GDPD4: variants seen among roughly 807,000 people sequenced by gnomAD.
GDPD4 encodes the protein glycerophosphodiester phosphodiesterase domain containing 4.
A neutral mutation model predicts 67.8 loss-of-function variants in GDPD4; 60 were observed. That is an observed-to-expected ratio of 0.88 (90% CI 0.72 to 1.10). The LOEUF (loss-of-function observed/expected upper bound fraction) is 1.10. Among genes scored for constraint, GDPD4 ranks in the 50% least tolerant of loss-of-function variants. The pLI is 0.00. For missense variants in GDPD4, 623 were observed against 613.9 expected, an observed-to-expected ratio of 1.01 and a Z score of -0.16; for synonymous variants, 212 against 210.9, an observed-to-expected ratio of 1.00 and a Z score of -0.04.
chr11:77,241,388 C>G (rs1408163677), intron 13 of GDPD4, among the ~76,000 whole-genome samples: 1 of 152,060 alleles, frequency 6.6e-6, no homozygotes, highest in Non-Finnish European at 1.5e-5. Flanking sequence ...GTCAAACTTA[C>G]AGTGGGGTAC....
chr11:77,230,858 CA>C (rs1464484391), intron 14 of GDPD4, among the ~76,000 whole-genome samples: 4 of 152,138 alleles, frequency 2.6e-5, no homozygotes, highest in African/African-American at 4.8e-5. Flanking sequence ...TTTCCTTGGC[CA>C]ATGGAACATC....
intron 11 of GDPD4, among the ~76,000 whole-genome samples, chr11:77,249,514 A>G (rs185780001): frequency 1.4e-4 from 21 of 152,338 alleles, no homozygotes; most frequent in African/African-American, 5.1e-4. Flanking sequence ...AACAGAATGA[A>G]AAATCAACAA....
chr11:77,235,009 G>GTTCTTTTTTTTTTTTTTTTT (rs1958524762), intron 13 of GDPD4, among the ~76,000 whole-genome samples: 1 of 52,254 alleles, frequency 1.9e-5, no homozygotes, highest in Non-Finnish European at 3.7e-5. Context: ...GTCAATATCT[G>GTTCTTTTTTTTTTTTTTTTT]TTTTTTTTTT....
At chr11:77,234,807 T>C (rs57879222) in intron 13 of GDPD4, among the ~76,000 whole-genome samples, 2,351 of 152,280 alleles carry the variant, frequency 0.015, 59 homozygotes, top group African/African-American at 0.055. Context: ...GCAATAAACA[T>C]ACAAGTGCAG....
chr11:77,227,784 G>C lies in GDPD4; in HGVS notation c.1525+80C>G, dbSNP rs1958371756. The C allele has an allele frequency of 2.9e-6, 3 of 1,023,188 alleles. No homozygotes were observed. In the East Asian group the frequency reaches 7.1e-5, roughly 24 times the overall value. 63.4% of individuals were successfully genotyped at this position (1,023,188 alleles called of 1,614,324 possible). On this transcript the variant is annotated intron_variant, in intron 16 of 16. Coordinates refer to ENST00000315938, the MANE Select transcript of GDPD4 (RefSeq NM_182833.3). ...CCAGACACCCTCAGCTCTTGTCAGG[G>C]ACATGAAAAGCTGCCTCTGTCTCCT...
chr11:77,289,352 T>C (rs1278960845), intron 1 of GDPD4, among the ~76,000 whole-genome samples: 3 of 109,642 alleles, frequency 2.7e-5, no homozygotes, highest in Non-Finnish European at 3.9e-5. Context: ...GACAGAGCAA[T>C]ACTCCATCTC....
chr11:77,262,466 G>A lies in GDPD4; in HGVS notation c.708-3924C>T, dbSNP rs185644509. 1.2e-3 allele frequency among the ~76,000 whole-genome samples: 178 copies of A among 152,254 alleles called. 2 individuals carry two copies. The highest frequency in any genetic ancestry group is 6.8e-3 in the Middle Eastern group (2 of 294). ...TTAAGTATTAATCAGGCTTCATTTT[G>A]AACCACTTCCTTGTAATGGAAAATC... On this transcript the variant is annotated intron_variant, in intron 10 of 16. Coordinates refer to ENST00000315938, the MANE Select transcript of GDPD4 (RefSeq NM_182833.3).
intron 16 of GDPD4, among the ~76,000 whole-genome samples, chr11:77,219,634 A>C (rs1329869330): frequency 1.3e-5 from 2 of 152,202 alleles, no homozygotes; most frequent in African/African-American, 4.8e-5. Context: ...TTAAATAGGG[A>C]ATCCTTTCCC....
At chr11:77,257,689 C>A (rs1377994808) in intron 11 of GDPD4, among the ~76,000 whole-genome samples, 1 of 152,012 alleles carries the variant, frequency 6.6e-6, no homozygotes, top group Admixed American at 6.6e-5. Flanking sequence ...GGTAGCTGTG[C>A]ATAAAGTATT....
At chr11:77,266,277 T>C (rs1289394978) in intron 10 of GDPD4, among the ~76,000 whole-genome samples, 1 of 152,138 alleles carries the variant, frequency 6.6e-6, no homozygotes, top group African/African-American at 2.4e-5. Flanking sequence ...CCCCATAAGA[T>C]TATAATGGAG....
chr11:77,268,356 C>T (rs1162451647), intron 10 of GDPD4, 101 bp downstream of exon 10: 9 of 776,924 alleles, frequency 1.2e-5, no homozygotes, highest in South Asian at 4.6e-5. Context: ...GGAACAACTC[C>T]CCAGGGCTTG....
intron 11 of GDPD4, among the ~76,000 whole-genome samples, chr11:77,255,364 C>T (rs1309814363): frequency 6.6e-6 from 1 of 151,956 alleles, no homozygotes; most frequent in Non-Finnish European, 1.5e-5. Flanking sequence ...GTTAGGAGTT[C>T]GAGGCCAGCC....
chr11:77,285,607 T>C lies in GDPD4; in HGVS notation c.-50-420A>G, dbSNP rs17135482. On this transcript the variant is annotated intron_variant, in intron 2 of 16. Transcript: ENST00000315938. The stretch of plus-strand genomic sequence containing the variant: ...TTCATTTAGTCATCAATCTACCCCA[T>C]TGGAGAAGAAAGGGGGAATCAGAGT... Among the ~76,000 whole-genome samples the C allele has an allele frequency of 4.3e-3, 659 of 152,314 alleles. 11 individuals carry two copies. Among genetic ancestry groups the C allele is most frequent in the African/African-American group, 0.015 (635 of 41,566 alleles).
chr11:77,227,051 G>C (rs560460312), intron 16 of GDPD4, among the ~76,000 whole-genome samples: 46 of 152,176 alleles, frequency 3.0e-4, no homozygotes, highest in Non-Finnish European at 4.0e-4. Context: ...CAGGAGTTGC[G>C]GAAGGAAATT....
chr11:77,297,705 T>C (rs1022736437), intron 1 of GDPD4, among the ~76,000 whole-genome samples: 1 of 152,186 alleles, frequency 6.6e-6, no homozygotes, highest in Non-Finnish European at 1.5e-5. Context: ...ATATAGTTTG[T>C]GGGGATTATT....
At chr11:77,254,622 A>G (rs1958969452) in intron 11 of GDPD4, among the ~76,000 whole-genome samples, 1 of 152,174 alleles carries the variant, frequency 6.6e-6, no homozygotes, top group African/African-American at 2.4e-5. Context: ...ATGTATCTGC[A>G]TGAAAATTAT....
intron 10 of GDPD4, among the ~76,000 whole-genome samples, chr11:77,261,708 G>A (rs1959121737): frequency 6.6e-6 from 1 of 152,186 alleles, no homozygotes; most frequent in Admixed American, 6.5e-5. Flanking sequence ...CCCAGAAATA[G>A]AAGACTGGTT....
chr11:77,229,207 C>T lies in GDPD4; in HGVS notation c.1415G>A (p.Trp472Ter). Residue 472 changes from tryptophan (W) to a stop codon, truncating the protein, a stop_gained, in exon 15 of 17, where the codon TGG becomes TAG. Transcript: ENST00000315938. LOFTEE classifies it high-confidence loss of function. ...FMTPKFYVFM[W>*]LLADIISVLF... ...CACAGAAATGATATCTGCAAGGAGC[C>T]ACATGAACACATAGAACTTTGGTGT... The T allele has an allele frequency of 1.9e-6, 3 of 1,606,202 alleles. No individual in the cohort carries two copies. Among genetic ancestry groups the T allele is most frequent in the Non-Finnish European group, 2.6e-6 (3 of 1,175,904 alleles).
At chr11:77,279,194 G>A in intron 4 of GDPD4, 112 bp downstream of exon 4, 1 of 637,720 alleles carries the variant, frequency 1.6e-6, no homozygotes, top group Non-Finnish European at 2.8e-6. Flanking sequence ...TAAGACAAGA[G>A]TGATCTTAGG....
Sources: allele counts gnomAD v4.1 joint callset (sites outside exome capture counted in the v4.1 genomes callset), GRCh38; gene constraint gnomAD v4.1.1; transcripts MANE v1.5; gene names NCBI Gene and HGNC (gene_info 2026-07-23, HGNC 2026-07-21).